TANC2: variants seen among roughly 807,000 people sequenced by gnomAD.
The protein encoded by TANC2 is protein TANC2.
TANC2 carries 26 observed loss-of-function variants against 210.5 expected under a neutral mutation model. The ratio of observed to expected loss-of-function variants is 0.12; its 90% CI spans 0.09 to 0.17. The LOEUF (loss-of-function observed/expected upper bound fraction) is 0.17. TANC2 is among the 10% of genes least tolerant of loss of function. TANC2 has a pLI of 1.00. For synonymous variants in TANC2, 931 were observed against 967.1 expected, an observed-to-expected ratio of 0.96 and a Z score of 0.69; for missense variants, 2,129 against 2,608.9, an observed-to-expected ratio of 0.82 and a Z score of 4.01.
chr17:63,235,072 T>TA (rs752406417), intron 7 of TANC2, among the ~76,000 whole-genome samples: 1 of 152,114 alleles, frequency 6.6e-6, no homozygotes, highest in Non-Finnish European at 1.5e-5. Context: ...ATTTTTTTTT[T>TA]ACCAGTTATC....
At chr17:62,996,553 A>G (rs2033117436) in intron 1 of TANC2, among the ~76,000 whole-genome samples, 1 of 151,932 alleles carries the variant, frequency 6.6e-6, no homozygotes, top group South Asian at 2.1e-4. Context: ...ATCTGGTGTG[A>G]TTCTGGGAGC....
At chr17:63,026,061 T>G (rs2144071375) in intron 2 of TANC2, among the ~76,000 whole-genome samples, 1 of 152,130 alleles carries the variant, frequency 6.6e-6, no homozygotes, top group Non-Finnish European at 1.5e-5. Flanking sequence ...TTAGCTCCCT[T>G]ACTTCATTGA....
chr17:63,419,319 G>T (rs996550507), intron 27 of TANC2, among the ~76,000 whole-genome samples: 1 of 152,202 alleles, frequency 6.6e-6, no homozygotes, highest in African/African-American at 2.4e-5. Context: ...AAGGTCAGTT[G>T]CCCCTGTCAG....
At chr17:63,054,851 TTAATC>T (rs1171269161) in intron 2 of TANC2, among the ~76,000 whole-genome samples, 2 of 152,220 alleles carry the variant, frequency 1.3e-5, no homozygotes, top group African/African-American at 2.4e-5. Flanking sequence ...TAGTAAAACT[TTAATC>T]TATATGTATC....
At chr17:63,123,886 A>G (rs1224486652) in intron 4 of TANC2, among the ~76,000 whole-genome samples, 2 of 151,652 alleles carry the variant, frequency 1.3e-5, no homozygotes, top group African/African-American at 4.8e-5. Context: ...TATTTTTAGT[A>G]GAGATGGGGT....
chr17:63,317,918 G>A (rs2045364573), intron 10 of TANC2, among the ~76,000 whole-genome samples: 1 of 152,238 alleles, frequency 6.6e-6, no homozygotes, highest in African/African-American at 2.4e-5. Context: ...GGGGAAGGAA[G>A]TGAACAGCAG....
intron 5 of TANC2, among the ~76,000 whole-genome samples, chr17:63,180,846 A>G (rs557601361): frequency 3.9e-5 from 6 of 152,020 alleles, no homozygotes; most frequent in African/African-American, 1.4e-4. Flanking sequence ...CAACATGGTG[A>G]AACCGTGTCT....
chr17:63,069,178 TTAAC>T (rs1349009323), intron 2 of TANC2, among the ~76,000 whole-genome samples: 2 of 152,192 alleles, frequency 1.3e-5, no homozygotes, highest in Non-Finnish European at 2.9e-5. Context: ...AATAAGATAA[TTAAC>T]TTATTTGTAT....
chr17:63,149,176 G>T (rs1223292505), intron 4 of TANC2: 2 of 152,106 alleles, frequency 1.3e-5, no homozygotes, highest in African/African-American at 4.8e-5. Flanking sequence ...CTTTGCTGGA[G>T]AATTGTGTAT....
chr17:63,223,782 C>T (rs2042258220), intron 7 of TANC2, among the ~76,000 whole-genome samples: 1 of 151,898 alleles, frequency 6.6e-6, no homozygotes, highest in Non-Finnish European at 1.5e-5. Context: ...TCTTCGTCAC[C>T]CTCTTCTGAT....
At chr17:63,095,380 A>T (rs917963394) in intron 3 of TANC2, among the ~76,000 whole-genome samples, 1 of 152,110 alleles carries the variant, frequency 6.6e-6, no homozygotes. Flanking sequence ...ATTGTTGCCC[A>T]CATCGATCTC....
intron 10 of TANC2, among the ~76,000 whole-genome samples, chr17:63,318,486 C>G (rs77900921): frequency 0.014 from 2,197 of 152,248 alleles, 28 homozygotes; most frequent in Middle Eastern, 0.024. Flanking sequence ...GCAGTCAATC[C>G]CCATTCTCCT....
rs117690040 is a variant in TANC2 at position 63,200,868 on chromosome 17, T to G, written c.680T>G (p.Ile227Ser). Residue 227 changes from isoleucine (I) to serine (S), a missense_variant, in exon 7 of 28, where the codon ATC becomes AGC. Physicochemically the swap from Ile to Ser is moderately radical, Grantham distance 142 (BLOSUM62 -2). Coordinates refer to ENST00000689528, the Ensembl canonical transcript of TANC2. ...AGCCCCTGCTCTACACTCCCACCCA[T>G]CAGTACAAATGCAACTGCCAAGGAC... 0.014 allele frequency: 23,209 copies of G among 1,613,784 alleles called. 218 individuals are homozygous for G. Among genetic ancestry groups the G allele is most frequent in the Non-Finnish European group, 0.017 (19,645 of 1,179,808 alleles).
chr17:63,130,247 A>T (rs1048660762), intron 4 of TANC2, among the ~76,000 whole-genome samples: 2 of 152,150 alleles, frequency 1.3e-5, no homozygotes, highest in African/African-American at 4.8e-5. Context: ...AGTGGCTCAC[A>T]CCTGTAATCC....
At chr17:63,256,321 A>G (rs2043195075) in intron 8 of TANC2, among the ~76,000 whole-genome samples, 1 of 152,156 alleles carries the variant, frequency 6.6e-6, no homozygotes, top group African/African-American at 2.4e-5. Context: ...TTGTTTCAAG[A>G]AATCTGTTAA....
chr17:63,163,991 ATAG>A (rs547412708), intron 5 of TANC2, among the ~76,000 whole-genome samples: 232 of 152,344 alleles, frequency 1.5e-3, no homozygotes, highest in Non-Finnish European at 2.9e-3. Context: ...AATTTTTTAA[ATAG>A]TAGTAGTAGG....
At chr17:63,045,408 G>T (rs190516856) in intron 2 of TANC2, among the ~76,000 whole-genome samples, 22 of 152,246 alleles carry the variant, frequency 1.4e-4, no homozygotes, top group Non-Finnish European at 1.6e-4. Context: ...TTAAATAGAA[G>T]TTTAAAATTT....
intron 14 of TANC2, among the ~76,000 whole-genome samples, chr17:63,371,681 G>C (rs563720800): frequency 1.1e-4 from 16 of 152,234 alleles, no homozygotes; most frequent in African/African-American, 3.9e-4. Context: ...CTATCTCCTG[G>C]GGTGCTAAGT....
intron 21 of TANC2, among the ~76,000 whole-genome samples, chr17:63,409,431 C>G: frequency 1.3e-5 from 2 of 152,146 alleles, no homozygotes; most frequent in East Asian, 3.8e-4. Flanking sequence ...AGCAGTCCTC[C>G]CACCTCGGCC....
Sources: gnomAD v4.1 joint callset for allele counts (sites outside exome capture counted in the v4.1 genomes callset) on GRCh38, gnomAD v4.1.1 for gene constraint, MANE v1.5 for transcripts, NCBI Gene and HGNC (gene_info 2026-07-23, HGNC 2026-07-21) for gene names.